The following AGBL1 variants were observed in gnomAD, a reference collection of about 807,000 sequenced individuals.
AGBL1 encodes the protein AGBL carboxypeptidase 1.
AGBL1 carries 130 observed loss-of-function variants against 118.9 expected under a neutral mutation model. The ratio of observed to expected loss-of-function variants is 1.09; its 90% CI spans 0.95 to 1.26. The LOEUF is 1.26. Ranked by LOEUF, AGBL1 falls within the 50% of genes most tolerant of loss-of-function variation. The pLI, the probability that AGBL1 is intolerant of heterozygous loss-of-function variation, is 0.00. For missense variants in AGBL1, 1,584 were observed against 1,298.1 expected, an observed-to-expected ratio of 1.22 and a Z score of -3.38; for synonymous variants, 555 against 478.9, an observed-to-expected ratio of 1.16 and a Z score of -2.08.
intron 5 of AGBL1, among the ~76,000 whole-genome samples, chr15:86,224,151 A>G (rs879781538): frequency 2.0e-5 from 3 of 152,138 alleles, no homozygotes; most frequent in Non-Finnish European, 4.4e-5. Context: ...TTTTTTAAAA[A>G]AGCAAACACA....
At chr15:86,129,663 C>G (rs76619304) in intron 1 of AGBL1, among the ~76,000 whole-genome samples, 299 of 152,254 alleles carry the variant, frequency 2.0e-3, no homozygotes, top group African/African-American at 7.0e-3. Context: ...CTACTTGTCT[C>G]TAGCGGGTAG....
At chr15:86,415,062 A>G (rs1161476682) in intron 18 of AGBL1, among the ~76,000 whole-genome samples, 2 of 152,176 alleles carry the variant, frequency 1.3e-5, no homozygotes, top group East Asian at 1.9e-4. Context: ...ATTGTGATGC[A>G]TTTGCTATTA....
At chr15:87,021,572 G>A (rs1188331139) in intron 24 of AGBL1, among the ~76,000 whole-genome samples, 1 of 152,014 alleles carries the variant, frequency 6.6e-6, no homozygotes, top group Non-Finnish European at 1.5e-5. Flanking sequence ...TACAAAATAG[G>A]AGAAAATTTT....
At chr15:86,396,888 G>C (rs1290849486) in intron 17 of AGBL1, among the ~76,000 whole-genome samples, 1 of 152,158 alleles carries the variant, frequency 6.6e-6, no homozygotes, top group African/African-American at 2.4e-5. Flanking sequence ...CTAGCATCAT[G>C]CTATTGAACT....
intron 22 of AGBL1, among the ~76,000 whole-genome samples, chr15:86,883,473 C>A (rs1299403938): frequency 6.6e-6 from 1 of 152,198 alleles, no homozygotes; most frequent in African/African-American, 2.4e-5. Context: ...GCTTCTGAAC[C>A]TGGAGAAAAT....
At chr15:86,609,347 C>G (rs2084626894) in intron 21 of AGBL1, among the ~76,000 whole-genome samples, 1 of 152,178 alleles carries the variant, frequency 6.6e-6, no homozygotes, top group Non-Finnish European at 1.5e-5. Context: ...TGCTGAGACT[C>G]AAAGGTCACC....
At chr15:86,860,775 T>C (rs764832742) in intron 22 of AGBL1, among the ~76,000 whole-genome samples, 1 of 152,104 alleles carries the variant, frequency 6.6e-6, no homozygotes, top group Non-Finnish European at 1.5e-5. Flanking sequence ...GATGAGCACA[T>C]GTTTCTATGT....
intron 22 of AGBL1, among the ~76,000 whole-genome samples, chr15:86,840,319 A>G (rs904169304): frequency 2.0e-5 from 3 of 152,222 alleles, no homozygotes; most frequent in Non-Finnish European, 4.4e-5. Flanking sequence ...GTAACATTTT[A>G]GTAAGTTGAG....
chr15:86,980,885 C>CTTTTTTTTTTTTTT (rs36077192), intron 23 of AGBL1, among the ~76,000 whole-genome samples: 8 of 118,998 alleles, frequency 6.7e-5, no homozygotes, highest in Non-Finnish European at 1.0e-4. Flanking sequence ...CAGAAACATC[C>CTTTTTTTTTTTTTT]TTTTTTTTTT....
intron 5 of AGBL1, among the ~76,000 whole-genome samples, chr15:86,167,249 CTT>C (rs112194941): frequency 5.5e-4 from 78 of 142,258 alleles, no homozygotes; most frequent in East Asian, 3.1e-3. Flanking sequence ...TTTTACTTTT[CTT>C]TTTTTTTTTT....
At chr15:86,949,100 G>A (rs530852256) in intron 23 of AGBL1, among the ~76,000 whole-genome samples, 3 of 151,964 alleles carry the variant, frequency 2.0e-5, no homozygotes, top group Admixed American at 6.6e-5. Context: ...TCCAACAGGA[G>A]ATAATTTAGA....
chr15:86,604,921 G>T (rs1329118458), intron 21 of AGBL1, among the ~76,000 whole-genome samples: 2 of 150,742 alleles, frequency 1.3e-5, no homozygotes, highest in African/African-American at 4.9e-5. Context: ...TCAGCCTCCT[G>T]AGTAGCTGGG....
intron 6 of AGBL1, among the ~76,000 whole-genome samples, chr15:86,234,595 A>G (rs1017630501): frequency 5.3e-5 from 8 of 151,320 alleles, no homozygotes; most frequent in Non-Finnish European, 1.2e-4. Context: ...AGTGGAGAAT[A>G]GCACTTGCTC....
chr15:86,702,516 C>T (rs2086378028), intron 22 of AGBL1, among the ~76,000 whole-genome samples: 1 of 152,022 alleles, frequency 6.6e-6, no homozygotes, highest in African/African-American at 2.4e-5. Flanking sequence ...CAAAATTATA[C>T]TTGACTCCTC....
At chr15:86,109,949 A>G (rs1318876230) in intron 1 of AGBL1, 5 of 152,136 alleles carry the variant, frequency 3.3e-5, no homozygotes, top group Non-Finnish European at 2.9e-5. Flanking sequence ...ATTCCGCTAA[A>G]CCCAAGCTAA....
At chr15:86,935,706 G>T (rs780440942) in intron 23 of AGBL1, among the ~76,000 whole-genome samples, 1 of 152,176 alleles carries the variant, frequency 6.6e-6, no homozygotes, top group Non-Finnish European at 1.5e-5. Flanking sequence ...CCAGTGTCAA[G>T]TCTGACTAAA....
intron 22 of AGBL1, among the ~76,000 whole-genome samples, chr15:86,852,083 A>G (rs59157982): frequency 0.015 from 2,353 of 152,238 alleles, 68 homozygotes; most frequent in African/African-American, 0.053. Flanking sequence ...ACTGCTATAA[A>G]TATACTACCC....
At chr15:86,845,429 C>G (rs1376742189) in intron 22 of AGBL1, among the ~76,000 whole-genome samples, 3 of 152,022 alleles carry the variant, frequency 2.0e-5, no homozygotes, top group Non-Finnish European at 4.4e-5. Flanking sequence ...TTAAACCAAC[C>G]TTGCATTCTT....
At chr15:86,477,419 A>G (rs974234716) in intron 18 of AGBL1, among the ~76,000 whole-genome samples, 5 of 152,250 alleles carry the variant, frequency 3.3e-5, no homozygotes, top group South Asian at 2.1e-4. Context: ...GATTCCACAG[A>G]AATACAAACT....
Sources: allele counts gnomAD v4.1 joint callset (sites outside exome capture counted in the v4.1 genomes callset), GRCh38; gene constraint gnomAD v4.1.1; transcripts MANE v1.5; gene names NCBI Gene and HGNC (gene_info 2026-07-23, HGNC 2026-07-21).